Variants in TPCN1 observed in about 807,000 individuals in gnomAD.
The protein encoded by TPCN1 is two pore channel protein 1.
TPCN1 carries 52 observed loss-of-function variants against 108.8 expected under a neutral mutation model. That is an observed-to-expected ratio of 0.48 (90% confidence interval 0.38 to 0.60). The LOEUF (loss-of-function observed/expected upper bound fraction) is 0.60. TPCN1 is among the 20% of genes least tolerant of loss of function. The pLI is 0.00. For missense variants in TPCN1, 806 were observed against 1,072.8 expected (o/e 0.75, Z 3.47); for synonymous variants, 446 against 433.7 (o/e 1.03, Z -0.35).
chr12:113,263,033 T>C lies in TPCN1; in HGVS notation c.237+2541T>C, dbSNP rs539038407. On this transcript the variant is annotated intron_variant, in intron 3 of 27. Transcript: ENST00000335509. ...GAACAGCTGGTGTTGTATGATCATTTTAAATTGATGTCATACAGCAGCATG... is the reference window on the plus strand; with the variant it reads ...GAACAGCTGGTGTTGTATGATCATTCTAAATTGATGTCATACAGCAGCATG... Among the ~76,000 whole-genome samples, 188 of 152,328 alleles carry C rather than the reference T, an allele frequency of 1.2e-3. 1 individual carries two copies. The highest frequency in any genetic ancestry group is 2.4e-3 in the Admixed American group (36 of 15,302).
chr12:113,271,112 A>G (rs1167398671), intron 7 of TPCN1, among the ~76,000 whole-genome samples: 7 of 152,050 alleles, frequency 4.6e-5, no homozygotes, highest in Non-Finnish European at 1.0e-4. Flanking sequence ...CAAAAAAAAT[A>G]TACAGGAATT....
At chr12:113,235,912 C>T (rs1324667313) in intron 2 of TPCN1, among the ~76,000 whole-genome samples, 2 of 152,062 alleles carry the variant, frequency 1.3e-5, no homozygotes, top group African/African-American at 4.8e-5. Flanking sequence ...GTGAAAGATT[C>T]TCCCAGAAGA....
chr12:113,251,001 A>T (rs1326555902), intron 2 of TPCN1, among the ~76,000 whole-genome samples: 1 of 150,140 alleles, frequency 6.7e-6, no homozygotes, highest in Non-Finnish European at 1.5e-5. Flanking sequence ...TTAAAAAATA[A>T]AAATAGAAGA....
chr12:113,257,287 T>C (rs955669225), intron 2 of TPCN1, among the ~76,000 whole-genome samples: 1 of 152,166 alleles, frequency 6.6e-6, no homozygotes, highest in Admixed American at 6.5e-5. Context: ...AGGTTCGGAA[T>C]TCAAGGCCAG....
In TPCN1 at chr12:113,291,635, C is replaced by T; in HGVS notation, c.1986C>T (p.His662=). The T allele has an allele frequency of 6.2e-7, 1 of 1,613,456 alleles. No homozygotes were observed. The highest frequency in any genetic ancestry group is 1.1e-5 in the South Asian group (1 of 90,914). The change falls in exon 24 of 28, where the codon CAC becomes CAT. Residue 662 remains histidine, a synonymous_variant. Coordinates refer to ENST00000335509, the MANE Select transcript of TPCN1 (RefSeq NM_017901.6). ...IMEGVTSQTS[H]WSRLYFMTFY... ...AAGGCGTCACCTCTCAGACCTCCCA[C>T]TGGAGCCGCCTCTACTTCATGACCT...
intron 19 of TPCN1, 158 bp downstream of exon 19, chr12:113,287,252 A>AC: frequency 1.6e-6 from 1 of 635,826 alleles, no homozygotes. Flanking sequence ...CAACATCCCC[A>AC]CCCCTGAGGG....
intron 2 of TPCN1, among the ~76,000 whole-genome samples, chr12:113,248,633 A>G (rs984908257): frequency 3.3e-5 from 5 of 152,232 alleles, no homozygotes; most frequent in African/African-American, 1.2e-4. Flanking sequence ...TTTCAGAACA[A>G]CAAGGAGGTT....
chr12:113,222,507 G>C (rs1338060068), intron 1 of TPCN1, among the ~76,000 whole-genome samples: 1 of 152,192 alleles, frequency 6.6e-6, no homozygotes, highest in Non-Finnish European at 1.5e-5. Context: ...CCACTCCCAA[G>C]TTGTGACAGT....
At chr12:113,290,865 C>T (rs560915450) in intron 22 of TPCN1, 87 bp from the exon 23 acceptor site, 8 of 1,275,724 alleles carry the variant, frequency 6.3e-6, no homozygotes, top group Admixed American at 1.7e-5. Context: ...TAGCACATGG[C>T]ACCCAGGATA....
chr12:113,271,253 G>A (rs1955487929), intron 7 of TPCN1, among the ~76,000 whole-genome samples: 1 of 152,066 alleles, frequency 6.6e-6, no homozygotes, highest in Non-Finnish European at 1.5e-5. Flanking sequence ...TTCCAGCCTG[G>A]GCAACAGAGC....
Position 113,288,634 on chromosome 12 carries a change from C to T in TPCN1, c.1707-124C>T, listed in dbSNP as rs1176447635. Reference sequence around the variant, plus strand: ...AGGCCCCTTCCCCGCAGGCACTTTCCAGTTGGTGAACCGACCAGGGGCATG... The same window carrying T: ...AGGCCCCTTCCCCGCAGGCACTTTCTAGTTGGTGAACCGACCAGGGGCATG... On this transcript the variant is annotated intron_variant, in intron 20 of 27. Transcript: ENST00000335509. The surrounding 1 kb of genome is among the most constrained non-coding windows in gnomAD (Gnocchi z 4.8). The T allele has an allele frequency of 2.6e-6, 4 of 1,533,902 alleles. No individual in the cohort carries two copies. The highest frequency in any genetic ancestry group is 3.5e-6 in the Non-Finnish European group (4 of 1,144,412).
At chr12:113,222,992 G>C (rs1282264163) in intron 1 of TPCN1, among the ~76,000 whole-genome samples, 2 of 151,800 alleles carry the variant, frequency 1.3e-5, no homozygotes, top group Non-Finnish European at 2.9e-5. Context: ...GAGAATGTTT[G>C]AAAATATCTG....
chr12:113,247,977 C>G (rs1034925283), intron 2 of TPCN1, among the ~76,000 whole-genome samples: 1 of 152,234 alleles, frequency 6.6e-6, no homozygotes, highest in Non-Finnish European at 1.5e-5. Context: ...GTTCTTTCAC[C>G]TTAGCTCTTG....
At chr12:113,222,338 A>C (rs527582068) in intron 1 of TPCN1, among the ~76,000 whole-genome samples, 9 of 152,330 alleles carry the variant, frequency 5.9e-5, no homozygotes, top group African/African-American at 2.2e-4. Flanking sequence ...TCCAAGCTTC[A>C]ATTTCCTCAT....
In TPCN1 at chr12:113,269,642, G is replaced by A; in HGVS notation, c.660-115G>A. The A allele has an allele frequency of 1.2e-6, 1 of 855,536 alleles. No individual in the cohort carries two copies. The highest frequency in any genetic ancestry group is 1.9e-6 in the Non-Finnish European group (1 of 535,748). 53.0% of individuals were successfully genotyped at this position (855,536 alleles called of 1,614,324 possible). The stretch of plus-strand genomic sequence containing the variant: ...ATGAAGCATGATGTCACACCAGAGT[G>A]CGTCAGGGTTTAGTATTTCGAGTCA... On this transcript the variant is annotated intron_variant, in intron 6 of 27. Transcript: ENST00000335509. This position sits in a 1 kb window ranked among gnomAD's most constrained non-coding sequence, Gnocchi z 5.0.
chr12:113,278,776 A>G lies in TPCN1; in HGVS notation c.1238A>G (p.Lys413Arg), dbSNP rs1196842175. The G allele has an allele frequency of 6.2e-7, 1 of 1,614,018 alleles. No individual in the cohort carries two copies. The highest frequency in any genetic ancestry group is 8.5e-7 in the Non-Finnish European group (1 of 1,179,922). ...YEVAALKWKAKKNREHWFDEL... is the reference protein window; with the variant it reads ...YEVAALKWKARKNREHWFDEL... Reference sequence around the variant, plus strand: ...CTTGGTCCTGTTGTCTACCAGGCCAAGAAAAACAGAGAGCACTGGTTTGAT... The same window carrying G: ...CTTGGTCCTGTTGTCTACCAGGCCAGGAAAAACAGAGAGCACTGGTTTGAT... The change falls in exon 14 of 28, where the codon AAG (lysine) becomes AGG (arginine). Residue 413 changes from lysine (K) to arginine (R), a missense_variant. By Grantham distance (26) the Lys-to-Arg change is conservative. Transcript: ENST00000335509.
At chr12:113,265,487 G>A (rs1054829846) in intron 3 of TPCN1, among the ~76,000 whole-genome samples, 4 of 152,190 alleles carry the variant, frequency 2.6e-5, no homozygotes, top group Admixed American at 6.5e-5. Flanking sequence ...CTTGGCCTCT[G>A]AGGGGATTGG....
chr12:113,254,683 C>T (rs1284895970), intron 2 of TPCN1, among the ~76,000 whole-genome samples: 4 of 152,100 alleles, frequency 2.6e-5, no homozygotes, highest in Non-Finnish European at 5.9e-5. Flanking sequence ...GTATTTCTAA[C>T]CTGAATATCC....
chr12:113,261,390 CTT>C (rs957827830), intron 3 of TPCN1, among the ~76,000 whole-genome samples: 2 of 75,002 alleles, frequency 2.7e-5, no homozygotes, highest in Admixed American at 1.3e-4. Context: ...TTATAGTCTG[CTT>C]TTTTTTTTCA....
Sources: allele counts gnomAD v4.1 joint callset (sites outside exome capture counted in the v4.1 genomes callset), GRCh38; gene constraint gnomAD v4.1.1; non-coding constraint Gnocchi (gnomAD v3.1); transcripts MANE v1.5; gene names NCBI Gene and HGNC (gene_info 2026-07-23, HGNC 2026-07-21).